The following INPP5A variants were observed in gnomAD, a reference collection of about 807,000 sequenced individuals.
INPP5A encodes 43 kDa inositol polyphosphate 5-phophatase.
A neutral mutation model predicts 65.2 loss-of-function variants in INPP5A; 14 were observed. The observed-to-expected ratio is 0.21, with a 90% CI of 0.14 to 0.34. The LOEUF is 0.34. INPP5A is among the 10% of genes least tolerant of loss of function. The pLI, the probability that INPP5A is intolerant of heterozygous loss-of-function variation, is 1.00. For missense variants in INPP5A, 431 were observed against 545.6 expected, an observed-to-expected ratio of 0.79 and a Z score of 2.09; for synonymous variants, 207 against 208.3, an observed-to-expected ratio of 0.99 and a Z score of 0.05.
intron 1 of INPP5A, among the ~76,000 whole-genome samples, chr10:132,566,264 G>A (rs887783265): frequency 6.6e-6 from 1 of 152,262 alleles, no homozygotes; most frequent in East Asian, 1.9e-4. Context: ...AAGATTGATC[G>A]ACTTGTCAAA....
chr10:132,543,241 C>T (rs573767037), intron 1 of INPP5A, among the ~76,000 whole-genome samples: 164 of 152,082 alleles, frequency 1.1e-3, no homozygotes, highest in African/African-American at 3.6e-3. Flanking sequence ...AGCCCCACGT[C>T]CCCCAGCCTC....
Position 132,741,182 on chromosome 10 carries a change from G to T in INPP5A, c.733-8335G>T, listed in dbSNP as rs1389430998. The stretch of plus-strand genomic sequence containing the variant: ...CGGAGGTCGAGGCTGCAGTGAGCCA[G>T]CCATGATCACATCACTGCACTCCAT... On this transcript the variant is annotated intron_variant, in intron 9 of 15. Coordinates refer to ENST00000368594, the MANE Select transcript of INPP5A (RefSeq NM_005539.5). The surrounding 1 kb of genome is among the most constrained non-coding windows in gnomAD (Gnocchi z 4.4). 1.3e-5 allele frequency among the ~76,000 whole-genome samples: 2 copies of T among 152,202 alleles called. No homozygotes were observed. The highest frequency in any genetic ancestry group is 1.3e-4 in the Admixed American group (2 of 15,278).
At chr10:132,770,719 A>ATAAG (rs36053538) in intron 12 of INPP5A, among the ~76,000 whole-genome samples, 25,419 of 152,236 alleles carry the variant, frequency 0.17, 2,538 homozygotes, top group Non-Finnish European at 0.23. Context: ...ACATGTTTAC[A>ATAAG]TAAGTAACAT....
At position 132,616,643 on chromosome 10, in the gene INPP5A, A is replaced by T. The variant is rs978034513; in HGVS notation, c.117+8687A>T. 7.3e-5 allele frequency among the ~76,000 whole-genome samples: 11 copies of T among 151,534 alleles called. No homozygotes were observed. On this transcript the variant is annotated intron_variant, in intron 2 of 15. Transcript: ENST00000368594. This position sits in a 1 kb window ranked among gnomAD's most constrained non-coding sequence, Gnocchi z 4.9. ...TGGTGACATGGGACATGGTAGTGAC[A>T]TGGGACATGGTGACAGGGTAGGGTG... is the stretch of plus-strand genomic sequence containing the variant.
In INPP5A at chr10:132,738,404, C is replaced by G. The variant is rs574620454; in HGVS notation, c.733-11113C>G. On this transcript the variant is annotated intron_variant, in intron 9 of 15. Transcript: ENST00000368594. ...TGAGCTCTGTGTCCTGCGTCCCCCTCCCTTTGCCACATCCCCCTCCCCACG... is the reference window on the plus strand; with the variant it reads ...TGAGCTCTGTGTCCTGCGTCCCCCTGCCTTTGCCACATCCCCCTCCCCACG... 1.3e-3 allele frequency among the ~76,000 whole-genome samples: 192 copies of G among 152,362 alleles called. 1 individual carries two copies. The highest frequency in any genetic ancestry group is 4.6e-3 in the African/African-American group (190 of 41,584).
chr10:132,765,933 G>A (rs1382285275), intron 12 of INPP5A, 87 bp downstream of exon 12: 1 of 807,486 alleles, frequency 1.2e-6, no homozygotes, highest in Non-Finnish European at 2.2e-6. Flanking sequence ...GCGTGTCTGT[G>A]TGTGCCAGTT....
intron 4 of INPP5A, among the ~76,000 whole-genome samples, chr10:132,677,665 C>T (rs767181445): frequency 2.6e-5 from 4 of 152,194 alleles, no homozygotes; most frequent in Admixed American, 1.3e-4. Context: ...GAAATGTTAA[C>T]GGGCGCACTC....
chr10:132,617,193 G>A (rs1190709258), intron 2 of INPP5A, among the ~76,000 whole-genome samples: 1 of 152,174 alleles, frequency 6.6e-6, no homozygotes, highest in Non-Finnish European at 1.5e-5. Flanking sequence ...CGAAGCCACA[G>A]GCTGAGGCAG....
intron 13 of INPP5A, 120 bp downstream of exon 13, chr10:132,777,902 G>A (rs1847092115): frequency 6.6e-7 from 1 of 1,522,822 alleles, no homozygotes; most frequent in Non-Finnish European, 8.8e-7. Context: ...AATGCTGCCA[G>A]GTTGGGCCCT....
chr10:132,766,227 C>A (rs1846842571), intron 12 of INPP5A, among the ~76,000 whole-genome samples: 1 of 152,354 alleles, frequency 6.6e-6, no homozygotes, highest in Non-Finnish European at 1.5e-5. Flanking sequence ...CACTTGTGTG[C>A]AAACTGCACC....
rs2072566935 is a variant in INPP5A at position 132,650,826 on chromosome 10, G to A, written c.306+321G>A. 6.6e-6 allele frequency among the ~76,000 whole-genome samples: 1 copy of A among 152,182 alleles called. No homozygotes were observed. The highest frequency in any genetic ancestry group is 6.5e-5 in the Admixed American group (1 of 15,288). ...AAATAAGAGGGAGTCCGGGGCTCCA[G>A]GCGTGTAGATGAGAGGTTGGACAGC... On this transcript the variant is annotated intron_variant, in intron 4 of 15. Coordinates refer to ENST00000368594, the MANE Select transcript of INPP5A (RefSeq NM_005539.5). The surrounding 1 kb of genome is among the most constrained non-coding windows in gnomAD (Gnocchi z 5.5).
chr10:132,563,518 G>T (rs1373623029), intron 1 of INPP5A, among the ~76,000 whole-genome samples: 2 of 152,122 alleles, frequency 1.3e-5, no homozygotes, highest in Non-Finnish European at 2.9e-5. Flanking sequence ...ATGTATACAG[G>T]GTAGGAAAAG....
chr10:132,545,280 G>A lies in INPP5A; in HGVS notation c.75+7109G>A, dbSNP rs1156374663. The stretch of plus-strand genomic sequence containing the variant: ...GTTACAGAAATCCAGACCCAGGCCT[G>A]CCCCACCGTGAAGCATCAAATTTAG... On this transcript the variant is annotated intron_variant, in intron 1 of 15. Coordinates refer to ENST00000368594, the MANE Select transcript of INPP5A (RefSeq NM_005539.5). The surrounding 1 kb of genome is among the most constrained non-coding windows in gnomAD (Gnocchi z 4.6). 6.6e-6 allele frequency among the ~76,000 whole-genome samples: 1 copy of A among 152,166 alleles called. No individual in the cohort carries two copies. Among genetic ancestry groups the A allele is most frequent in the African/African-American group, 2.4e-5 (1 of 41,442 alleles).
intron 1 of INPP5A, among the ~76,000 whole-genome samples, chr10:132,589,672 G>A (rs761728046): frequency 7.9e-5 from 12 of 152,262 alleles, no homozygotes; most frequent in Non-Finnish European, 1.5e-4. Context: ...GGCCCAGGCA[G>A]TGCTTGGTGA....
chr10:132,700,487 C>T lies in INPP5A; in HGVS notation c.474+2568C>T, dbSNP rs148116481. ...TCCCTGGTAAATTAACAAAAGGAAA[C>T]CCTTATTTTAAAAACTGTAAGCTTC... On this transcript the variant is annotated intron_variant, in intron 6 of 15. Transcript: ENST00000368594. 4.4e-3 allele frequency among the ~76,000 whole-genome samples: 667 copies of T among 152,360 alleles called. 4 individuals are homozygous for T. Among genetic ancestry groups the T allele is most frequent in the South Asian group, 7.7e-3 (37 of 4,832 alleles).
chr10:132,649,496 G>A (rs1432447605), intron 3 of INPP5A, among the ~76,000 whole-genome samples: 3 of 152,250 alleles, frequency 2.0e-5, no homozygotes, highest in East Asian at 1.9e-4. Flanking sequence ...TTCCTTTAAA[G>A]CGTGTTGAAG....
intron 1 of INPP5A, among the ~76,000 whole-genome samples, chr10:132,553,135 A>G (rs2071077222): frequency 8.1e-6 from 1 of 124,166 alleles, no homozygotes; most frequent in Non-Finnish European, 1.7e-5. Context: ...TGGGTAGGAT[A>G]GGGAGGGAGG....
chr10:132,697,511 T>C lies in INPP5A; in HGVS notation c.371-305T>C, dbSNP rs1327563549. 6.6e-6 allele frequency among the ~76,000 whole-genome samples: 1 copy of C among 152,222 alleles called. No individual in the cohort carries two copies. Among genetic ancestry groups the C allele is most frequent in the Non-Finnish European group, 1.5e-5 (1 of 68,024 alleles). The stretch of plus-strand genomic sequence containing the variant: ...ATGGTAATTCTACAGCCCTCTTAAA[T>C]ATATTCACGGGTTTAAAAGAGGATG... On this transcript the variant is annotated intron_variant, in intron 5 of 15. Transcript: ENST00000368594. The surrounding 1 kb of genome is among the most constrained non-coding windows in gnomAD (Gnocchi z 5.6).
At chr10:132,596,246 G>C (rs936192506) in intron 1 of INPP5A, among the ~76,000 whole-genome samples, 1 of 152,176 alleles carries the variant, frequency 6.6e-6, no homozygotes, top group Non-Finnish European at 1.5e-5. Flanking sequence ...ATGGCGGCGT[G>C]GCGGCATGGC....
Sources: allele counts gnomAD v4.1 joint callset (sites outside exome capture counted in the v4.1 genomes callset), GRCh38; gene constraint gnomAD v4.1.1; non-coding constraint Gnocchi (gnomAD v3.1); transcripts MANE v1.5; gene names NCBI Gene and HGNC (gene_info 2026-07-23, HGNC 2026-07-21).